SLC26A3: variants seen among roughly 807,000 people sequenced by gnomAD.
SLC26A3 encodes solute carrier family 26 member 3.
Under a neutral mutation model 85.6 loss-of-function variants are expected in SLC26A3, and 64 were observed. That is an observed-to-expected ratio of 0.75 (90% CI 0.61 to 0.92). The LOEUF (loss-of-function observed/expected upper bound fraction) is 0.92, where lower values mean the gene tolerates loss of function less well. Ranked by LOEUF, SLC26A3 falls within the 40% of genes least tolerant of loss-of-function variation. The pLI, the probability that SLC26A3 is intolerant of heterozygous loss-of-function variation, is 0.00. For synonymous variants in SLC26A3, 349 were observed against 336.0 expected (o/e 1.04, Z -0.42); for missense variants, 922 against 927.3 (o/e 0.99, Z 0.07).
Position 107,794,590 on chromosome 7 carries a change from A to C in SLC26A3, c.-81T>G. 1.3e-6 allele frequency: 2 copies of C among 1,501,622 alleles called. No homozygotes were observed. The highest frequency in any genetic ancestry group is 2.3e-5 in the South Asian group (2 of 88,418). 93.0% of individuals were successfully genotyped at this position (1,501,622 alleles called of 1,614,324 possible). A position where few individuals can be genotyped will look rare whatever the true frequency, so the allele number is the denominator to read the frequency against. On this transcript the variant is annotated 5_prime_UTR_variant, in exon 2 of 21. It introduces an in-frame stop codon into an upstream open reading frame of the 5' UTR. Coordinates refer to ENST00000340010, the MANE Select transcript of SLC26A3 (RefSeq NM_000111.3). ...CACTTCTTCTTGCCTTTAGCAGGTT[A>C]AAAATGCCTGAAACCAAACAGAGCT...
chr7:107,776,412 A>G (rs986862168), intron 15 of SLC26A3, 40 bp downstream of exon 15: 2 of 1,449,692 alleles, frequency 1.4e-6, no homozygotes, highest in Non-Finnish European at 1.9e-6. Flanking sequence ...AGAATTCAGT[A>G]AGATTACAAG....
At chr7:107,768,175 A>G (rs1163732740) in intron 18 of SLC26A3, among the ~76,000 whole-genome samples, 1 of 152,230 alleles carries the variant, frequency 6.6e-6, no homozygotes, top group Non-Finnish European at 1.5e-5. Flanking sequence ...AGTAGTTCCT[A>G]GAAGAAAATT....
rs1231109167 is a variant in SLC26A3 at position 107,776,432 on chromosome 7, T to G, written c.1677+20A>C. On this transcript the variant is annotated intron_variant, in intron 15 of 20. Transcript: ENST00000340010. ...TCAGTAAGATTACAAGGAAAAAAAT[T>G]AAATAACCCCAAACCTTACAGCATC... 5 of 1,590,968 alleles carry G rather than the reference T, an allele frequency of 3.1e-6. No homozygotes were observed. The highest frequency in any genetic ancestry group is 4.3e-6 in the Non-Finnish European group (5 of 1,159,392).
intron 1 of SLC26A3, among the ~76,000 whole-genome samples, chr7:107,795,651 T>A (rs551841800): frequency 6.6e-6 from 1 of 152,132 alleles, no homozygotes; most frequent in Non-Finnish European, 1.5e-5. Context: ...ACTTCTTTGC[T>A]CTCTTTTCTA....
At chr7:107,768,077 TCTTTTGGAACTAACAAATAC>T (rs1207333826) in intron 18 of SLC26A3, among the ~76,000 whole-genome samples, 169 bp from the exon 19 acceptor site, 1 of 152,164 alleles carries the variant, frequency 6.6e-6, no homozygotes, top group Non-Finnish European at 1.5e-5. Context: ...TAGTACAATG[TCTTTTGGAACTAACAAATAC>T]CTTTCTAATA....
intron 1 of SLC26A3, among the ~76,000 whole-genome samples, chr7:107,800,912 T>TGA (rs1296618512): frequency 2.6e-5 from 4 of 152,190 alleles, no homozygotes; most frequent in Non-Finnish European, 5.9e-5. Flanking sequence ...GCAAATCATG[T>TGA]GAAAGGTTAT....
intron 1 of SLC26A3, among the ~76,000 whole-genome samples, chr7:107,799,664 T>C (rs1794569768): frequency 6.6e-6 from 1 of 152,168 alleles, no homozygotes; most frequent in Non-Finnish European, 1.5e-5. Context: ...AATGCTGGGA[T>C]TACAGGCGTG....
intron 6 of SLC26A3, among the ~76,000 whole-genome samples, chr7:107,789,277 C>T (rs919762295): frequency 6.6e-6 from 1 of 151,438 alleles, no homozygotes; most frequent in Non-Finnish European, 1.5e-5. Context: ...CCACCATGCC[C>T]GGCTATTTTT....
At chr7:107,774,220 C>T in intron 16 of SLC26A3, 67 bp from the exon 17 acceptor site, 1 of 1,232,054 alleles carries the variant, frequency 8.1e-7, no homozygotes, top group Admixed American at 1.7e-5. Context: ...CAGAGATAGC[C>T]AGTGAGTTTC....
intron 12 of SLC26A3, among the ~76,000 whole-genome samples, chr7:107,778,663 C>A (rs1382959380): frequency 1.3e-5 from 2 of 152,062 alleles, no homozygotes. Flanking sequence ...TACTTTTGCA[C>A]CAACCTAATA....
chr7:107,772,401 AT>A (rs774687513), intron 17 of SLC26A3, among the ~76,000 whole-genome samples: 21 of 152,320 alleles, frequency 1.4e-4, no homozygotes, highest in Non-Finnish European at 2.8e-4. Flanking sequence ...CTCTGATTTA[AT>A]TTTAAAATAG....
At chr7:107,791,401 C>T (rs1014489796) in intron 4 of SLC26A3, among the ~76,000 whole-genome samples, 166 bp from the exon 5 acceptor site, 6 of 152,230 alleles carry the variant, frequency 3.9e-5, no homozygotes, top group South Asian at 4.2e-4. Context: ...CACCTGAGGT[C>T]GGGAGTTTGA....
intron 15 of SLC26A3, chr7:107,776,118 T>G: frequency 2.7e-6 from 1 of 373,826 alleles, no homozygotes; most frequent in Non-Finnish European, 5.0e-6. Flanking sequence ...CCTTCATTGT[T>G]TCTGAAGTTG....
Position 107,776,506 on chromosome 7 carries a change from T to G in SLC26A3, c.1623A>C (p.Pro541=). 6.2e-7 allele frequency: 1 copy of G among 1,614,168 alleles called. No homozygotes were observed. The highest frequency in any genetic ancestry group is 8.5e-7 in the Non-Finnish European group (1 of 1,179,988). Residue 541 remains proline, a synonymous_variant, in exon 15 of 21, where the codon CCA becomes CCC. Transcript: ENST00000340010. ...EPEGVKIFRC[P]SPIYFANIGF... ...CAATGTTTGCAAAGTAGATAGGAGA[T>G]GGACATCTGAAAATTTTCACTCCTT... is the stretch of plus-strand genomic sequence containing the variant.
chr7:107,775,016 C>T, intron 15 of SLC26A3, 144 bp from the exon 16 acceptor site: 2 of 722,324 alleles, frequency 2.8e-6, no homozygotes, highest in East Asian at 2.7e-5. Context: ...GTGGTTTAAA[C>T]AATATCAGCC....
chr7:107,786,003 T>A (rs1168611704), intron 8 of SLC26A3, among the ~76,000 whole-genome samples: 1 of 152,186 alleles, frequency 6.6e-6, no homozygotes, highest in East Asian at 1.9e-4. Flanking sequence ...TCCTTCTCAA[T>A]CCACTGAATG....
At chr7:107,791,385 G>A (rs2115875183) in intron 4 of SLC26A3, 150 bp from the exon 5 acceptor site, 2 of 813,724 alleles carry the variant, frequency 2.5e-6, no homozygotes, top group East Asian at 2.5e-5. Context: ...GCCGAGGCGG[G>A]TGGATCACCT....
Position 107,765,657 on chromosome 7 carries a change from T to C in SLC26A3, c.*198A>G, listed in dbSNP as rs1260925103. On this transcript the variant is annotated 3_prime_UTR_variant, in exon 21 of 21. Transcript: ENST00000340010. ...CACCCTTTGATAAAGCTACAAGATA[T>C]AAAATTTAGAATACTTATATAATTT... 2 of 526,586 alleles carry C rather than the reference T, an allele frequency of 3.8e-6. No individual in the cohort carries two copies. Among genetic ancestry groups the C allele is most frequent in the South Asian group, 2.8e-5 (1 of 35,362 alleles). 32.6% of individuals were successfully genotyped at this position (526,586 alleles called of 1,614,324 possible). A position where few individuals can be genotyped will look rare whatever the true frequency, so the allele number is the denominator to read the frequency against.
At chr7:107,798,597 C>T (rs973074846) in intron 1 of SLC26A3, among the ~76,000 whole-genome samples, 7 of 152,252 alleles carry the variant, frequency 4.6e-5, no homozygotes, top group Admixed American at 4.6e-4. Context: ...CTTTAATTAG[C>T]GGTCATTTGA....
Sources: gnomAD v4.1 joint callset for allele counts (sites outside exome capture counted in the v4.1 genomes callset) on GRCh38, gnomAD v4.1.1 for gene constraint, MANE v1.5 for transcripts, NCBI Gene and HGNC (gene_info 2026-07-23, HGNC 2026-07-21) for gene names.